The following C8orf89 variants were observed in gnomAD, a reference collection of about 807,000 sequenced individuals.
C8orf89 encodes the protein chromosome 8 open reading frame 89.
In C8orf89, 14 loss-of-function variants were observed where a neutral mutation model predicts 15.8. The observed-to-expected ratio is 0.89, with a 90% CI of 0.59 to 1.39. C8orf89 has a LOEUF of 1.39. C8orf89 is among the 40% of genes most tolerant of loss of function. The pLI is 0.00. For missense variants in C8orf89, 181 were observed against 184.5 expected (o/e 0.98, Z 0.11); for synonymous variants, 55 against 62.2 (o/e 0.88, Z 0.54).
intron 3 of C8orf89, among the ~76,000 whole-genome samples, chr8:73,241,903 TG>T (rs1482770888): frequency 1.3e-5 from 2 of 152,054 alleles, no homozygotes; most frequent in Non-Finnish European, 2.9e-5. Flanking sequence ...TAAATGGTGC[TG>T]GGAAAACTGG....
the C8orf89 span, among the ~76,000 whole-genome samples, chr8:73,267,907 C>T: frequency 6.6e-6 from 1 of 152,010 alleles, no homozygotes. Context: ...TAACTCCTGC[C>T]GAAGATGTGT....
chr8:73,274,462 T>C, the C8orf89 span, among the ~76,000 whole-genome samples: 1 of 152,144 alleles, frequency 6.6e-6, no homozygotes, highest in African/African-American at 2.4e-5. Context: ...TTTCATCTTT[T>C]TTAGGTTATC....
At chr8:73,248,376 T>C (rs543938387) in intron 3 of C8orf89, among the ~76,000 whole-genome samples, 8 of 152,320 alleles carry the variant, frequency 5.3e-5, no homozygotes, top group Non-Finnish European at 8.8e-5. Flanking sequence ...GGTTGTGTGA[T>C]ACCTCCAGCT....
chr8:73,284,625 A>G, the C8orf89 span, among the ~76,000 whole-genome samples: 1 of 152,232 alleles, frequency 6.6e-6, no homozygotes, highest in Non-Finnish European at 1.5e-5. Flanking sequence ...ATGAATTCTA[A>G]CAAGGATTAA....
chr8:73,261,154 C>T (rs181223866), upstream of C8orf89, among the ~76,000 whole-genome samples: 1 of 152,126 alleles, frequency 6.6e-6, no homozygotes. Flanking sequence ...CAGCTTTTTG[C>T]GAGACTTTAC....
chr8:73,274,276 C>A, the C8orf89 span, among the ~76,000 whole-genome samples: 1 of 152,004 alleles, frequency 6.6e-6, no homozygotes, highest in Non-Finnish European at 1.5e-5. Context: ...GACAGCCTCC[C>A]GAGTAGCTGG....
chr8:73,277,262 G>T, the C8orf89 span: 1 of 506,690 alleles, frequency 2.0e-6, no homozygotes, highest in Non-Finnish European at 3.5e-6. Flanking sequence ...GAGTATAAAT[G>T]GGTTTCTCAC....
chr8:73,257,599 T>G (rs1331139556), intron 1 of C8orf89, among the ~76,000 whole-genome samples: 3 of 152,226 alleles, frequency 2.0e-5, no homozygotes, highest in African/African-American at 7.2e-5. Context: ...ATTTTGATTT[T>G]CTGTCCACAA....
the C8orf89 span, chr8:73,277,788 A>G: frequency 4.1e-6 from 3 of 735,294 alleles, no homozygotes; most frequent in Non-Finnish European, 5.1e-6. Flanking sequence ...TCAACAGAGG[A>G]AACAGCCTGG....
chr8:73,246,641 C>G (rs550788108), intron 3 of C8orf89, among the ~76,000 whole-genome samples: 1 of 152,094 alleles, frequency 6.6e-6, no homozygotes, highest in African/African-American at 2.4e-5. Context: ...CCTCCCAAAG[C>G]GTTAGGATTA....
upstream of C8orf89, among the ~76,000 whole-genome samples, chr8:73,261,494 G>T (rs1182333629): frequency 6.6e-6 from 1 of 151,970 alleles, no homozygotes; most frequent in Non-Finnish European, 1.5e-5. Flanking sequence ...AGACCCAAAG[G>T]TAGCCTCAGC....
chr8:73,265,846 T>G, the C8orf89 span, among the ~76,000 whole-genome samples: 1 of 152,190 alleles, frequency 6.6e-6, no homozygotes, highest in African/African-American at 2.4e-5. Context: ...GTACCTGACA[T>G]CATCATGCTC....
the C8orf89 span, among the ~76,000 whole-genome samples, chr8:73,268,261 C>T: frequency 3.3e-5 from 5 of 152,004 alleles, no homozygotes; most frequent in Non-Finnish European, 5.9e-5. Context: ...AGGCAGATCA[C>T]GAGGTCAGGA....
At chr8:73,272,610 C>A in the C8orf89 span, among the ~76,000 whole-genome samples, 3 of 151,864 alleles carry the variant, frequency 2.0e-5, no homozygotes, top group Non-Finnish European at 4.4e-5. Context: ...CCCCCTCTCC[C>A]CACCCCATGA....
At chr8:73,281,668 T>A in the C8orf89 span, among the ~76,000 whole-genome samples, 1 of 152,218 alleles carries the variant, frequency 6.6e-6, no homozygotes, top group South Asian at 2.1e-4. Flanking sequence ...TGTTTGTTTT[T>A]GCTTTTTGAG....
chr8:73,285,874 G>GC, the C8orf89 span, among the ~76,000 whole-genome samples: 1 of 152,224 alleles, frequency 6.6e-6, no homozygotes, highest in Non-Finnish European at 1.5e-5. Context: ...ATGCCCCGCA[G>GC]CCAGCAGCCC....
the C8orf89 span, among the ~76,000 whole-genome samples, chr8:73,276,271 G>T: frequency 6.7e-6 from 1 of 149,838 alleles, no homozygotes; most frequent in Admixed American, 6.7e-5. Flanking sequence ...CCAACTCCCA[G>T]GTTCAAGCGA....
At chr8:73,249,670 A>T (rs952860781) in intron 3 of C8orf89, among the ~76,000 whole-genome samples, 1 of 152,200 alleles carries the variant, frequency 6.6e-6, no homozygotes, top group South Asian at 2.1e-4. Context: ...CAAATGGCAA[A>T]TAAAATATAC....
chr8:73,276,890 T>C, the C8orf89 span, among the ~76,000 whole-genome samples: 1 of 129,512 alleles, frequency 7.7e-6, no homozygotes, highest in African/African-American at 2.9e-5. Flanking sequence ...CACTGCAACC[T>C]CCACCTCCCA....
Sources: allele counts gnomAD v4.1 joint callset (sites outside exome capture counted in the v4.1 genomes callset), GRCh38; gene constraint gnomAD v4.1.1; transcripts MANE v1.5; gene names NCBI Gene and HGNC (gene_info 2026-07-23, HGNC 2026-07-21).